DNMT3A: variants seen among roughly 807,000 people sequenced by gnomAD.
DNMT3A encodes DNA (cytosine-5)-methyltransferase 3A.
In DNMT3A, 267 loss-of-function variants were observed where a neutral mutation model predicts 117.6. That is an observed-to-expected ratio of 2.27 (90% CI 2.05 to 2.51). The LOEUF is 2.51. DNMT3A is among the 30% of genes most tolerant of loss of function. DNMT3A has a pLI of 0.00. For missense variants in DNMT3A, 1,029 were observed against 1,260.2 expected (o/e 0.82, Z 2.78); for synonymous variants, 432 against 474.8 (o/e 0.91, Z 1.17).
In DNMT3A at chr2:25,254,437, G is replaced by C. The variant is rs533889720; in HGVS notation, c.640-6185C>G. ...GGTACAGACTCCCCCCCAACCCTGA[G>C]ACCCAGAATCCATACAGCTAGGAAA... On this transcript the variant is annotated intron_variant, in intron 6 of 22. Transcript: ENST00000321117. The surrounding 1 kb of genome is among the most constrained non-coding windows in gnomAD (Gnocchi z 4.7). 6.6e-6 allele frequency among the ~76,000 whole-genome samples: 1 copy of C among 152,046 alleles called. No homozygotes were observed. The highest frequency in any genetic ancestry group is 1.5e-5 in the Non-Finnish European group (1 of 68,006).
In DNMT3A at chr2:25,294,841, A is replaced by T. The variant is rs2032995547; in HGVS notation, c.177+5298T>A. 6.6e-6 allele frequency among the ~76,000 whole-genome samples: 1 copy of T among 152,216 alleles called. No individual in the cohort carries two copies. Reference sequence around the variant, plus strand: ...GTGTTGGAGGGTCAGCCCTAACACCAGCTTGGGCTCAGCTGAGCTCAGCAC... The same window carrying T: ...GTGTTGGAGGGTCAGCCCTAACACCTGCTTGGGCTCAGCTGAGCTCAGCAC... On this transcript the variant is annotated intron_variant, in intron 3 of 22. Coordinates refer to ENST00000321117, the MANE Select transcript of DNMT3A (RefSeq NM_022552.5). This position sits in a 1 kb window ranked among gnomAD's most constrained non-coding sequence, Gnocchi z 4.7.
rs1370393405 is a variant in DNMT3A at position 25,327,379 on chromosome 2, A to T, written c.-177-13218T>A. ...AATTCAACATCCTGGCCAGCTAATC[A>T]CTCCCTGCTTCAAGCACTCACTCAA... On this transcript the variant is annotated intron_variant, in intron 1 of 22. Transcript: ENST00000321117. The surrounding 1 kb of genome is among the most constrained non-coding windows in gnomAD (Gnocchi z 4.1). 1.3e-5 allele frequency among the ~76,000 whole-genome samples: 2 copies of T among 150,146 alleles called. No homozygotes were observed. Among genetic ancestry groups the T allele is most frequent in the Non-Finnish European group, 3.0e-5 (2 of 67,558 alleles).
At chr2:25,264,231 C>G (rs1264455735) in intron 6 of DNMT3A, among the ~76,000 whole-genome samples, 1 of 146,972 alleles carries the variant, frequency 6.8e-6, no homozygotes, top group Non-Finnish European at 1.5e-5. Context: ...CCTCCACCAC[C>G]CTGGCTCAAA....
intron 1 of DNMT3A, among the ~76,000 whole-genome samples, chr2:25,322,560 C>G (rs1166977655): frequency 6.6e-6 from 1 of 151,974 alleles, no homozygotes; most frequent in Non-Finnish European, 1.5e-5. Context: ...CCCCAACCCC[C>G]GCTCACTCAG....
chr2:25,336,247 G>C (rs2035211655), intron 1 of DNMT3A, among the ~76,000 whole-genome samples: 1 of 152,210 alleles, frequency 6.6e-6, no homozygotes, highest in Non-Finnish European at 1.5e-5. Context: ...GTGTGTTGGG[G>C]GACAGGGTCA....
chr2:25,253,005 G>C (rs1675780178), intron 6 of DNMT3A, among the ~76,000 whole-genome samples: 1 of 152,146 alleles, frequency 6.6e-6, no homozygotes, highest in Non-Finnish European at 1.5e-5. Context: ...CGTCACTCTG[G>C]GCCTTCCCTG....
chr2:25,293,256 C>A lies in DNMT3A; in HGVS notation c.177+6883G>T, dbSNP rs905827661. On this transcript the variant is annotated intron_variant, in intron 3 of 22. Transcript: ENST00000321117. This position sits in a 1 kb window ranked among gnomAD's most constrained non-coding sequence, Gnocchi z 4.7. The stretch of plus-strand genomic sequence containing the variant: ...AATTCTGCCCCGCCACTGCCACCCC[C>A]CACAGGCCCTGGGACTTTGCTGGCG... Among the ~76,000 whole-genome samples, 1 of 152,202 alleles carries A rather than the reference C, an allele frequency of 6.6e-6. No individual in the cohort carries two copies. Among genetic ancestry groups the A allele is most frequent in the South Asian group, 2.1e-4 (1 of 4,824 alleles).
Position 25,237,125 on chromosome 2 carries a change from C to T in DNMT3A, c.2409-120G>A. ...TAGTTCACAGGGTAAGAGCCCCTTC[C>T]CCAAATCACGCACACACGTCATAAC... On this transcript the variant is annotated intron_variant, in intron 20 of 22. Coordinates refer to ENST00000321117, the MANE Select transcript of DNMT3A (RefSeq NM_022552.5). This position sits in a 1 kb window ranked among gnomAD's most constrained non-coding sequence, Gnocchi z 5.4. The T allele has an allele frequency of 1.1e-6, 1 of 922,020 alleles. No homozygotes were observed. Among genetic ancestry groups the T allele is most frequent in the Non-Finnish European group, 1.7e-6 (1 of 603,104 alleles). 57.1% of individuals were successfully genotyped at this position (922,020 alleles called of 1,614,324 possible).
chr2:25,265,998 C>T (rs890390968), intron 6 of DNMT3A, among the ~76,000 whole-genome samples: 2 of 152,188 alleles, frequency 1.3e-5, no homozygotes, highest in Non-Finnish European at 2.9e-5. Context: ...TCACCTACCC[C>T]ACCCTGCCTC....
Position 25,281,017 on chromosome 2 carries a change from G to A in DNMT3A, c.448+1424C>T, listed in dbSNP as rs1389959555. 6.6e-6 allele frequency among the ~76,000 whole-genome samples: 1 copy of A among 152,152 alleles called. No homozygotes were observed. Among genetic ancestry groups the A allele is most frequent in the Non-Finnish European group, 1.5e-5 (1 of 68,022 alleles). On this transcript the variant is annotated intron_variant, in intron 4 of 22. Transcript: ENST00000321117. This position sits in a 1 kb window ranked among gnomAD's most constrained non-coding sequence, Gnocchi z 4.8. ...GAAGCACCACATTTGGAAGGGCAGGGCTGATGGGTTCTCTCACACACCTGG... is the reference window on the plus strand; with the variant it reads ...GAAGCACCACATTTGGAAGGGCAGGACTGATGGGTTCTCTCACACACCTGG...
intron 6 of DNMT3A, among the ~76,000 whole-genome samples, chr2:25,258,677 C>G (rs1422512101): frequency 1.3e-5 from 2 of 152,206 alleles, no homozygotes; most frequent in African/African-American, 4.8e-5. Context: ...GCCGAAGGAA[C>G]TCAGAGGCAG....
chr2:25,246,395 C>T lies in DNMT3A; in HGVS notation c.1280-86G>A, dbSNP rs908557754. 48 of 1,486,756 alleles carry T rather than the reference C, an allele frequency of 3.2e-5. 1 individual carries two copies. In the Admixed American group the frequency reaches 8.3e-4, roughly 26 times the overall value. The allele number at this position is 1,486,756 out of a possible 1,614,324, so 92.1% of individuals were successfully genotyped here. ...CCCCCACCCTCCTTACAGTGGGGTG[C>T]GGCCTGGTCTCCAACTTGTTCCCAC... On this transcript the variant is annotated intron_variant, in intron 10 of 22. Coordinates refer to ENST00000321117, the MANE Select transcript of DNMT3A (RefSeq NM_022552.5).
intron 6 of DNMT3A, among the ~76,000 whole-genome samples, chr2:25,258,154 TCA>T (rs1360352188): frequency 1.3e-5 from 2 of 152,340 alleles, no homozygotes; most frequent in Non-Finnish European, 2.9e-5. Flanking sequence ...AATCTGGTTC[TCA>T]GAGTAGCCCA....
Position 25,233,846 on chromosome 2 carries a change from T to C in DNMT3A, c.*433A>G. ...ATAGATTTCTATAGAATTTCCTTTT[T>C]TCCTCTCTCCCACCTTTCCTCTGCA... On this transcript the variant is annotated 3_prime_UTR_variant, in exon 23 of 23. Coordinates refer to ENST00000321117, the MANE Select transcript of DNMT3A (RefSeq NM_022552.5). 4.3e-6 allele frequency: 1 copy of C among 234,196 alleles called. No homozygotes were observed. Among genetic ancestry groups the C allele is most frequent in the Non-Finnish European group, 8.4e-6 (1 of 118,692 alleles). 14.5% of individuals were successfully genotyped at this position (234,196 alleles called of 1,614,324 possible). A position where few individuals can be genotyped will look rare whatever the true frequency, so the allele number is the denominator to read the frequency against.
chr2:25,320,096 G>A (rs1387676805), intron 1 of DNMT3A, among the ~76,000 whole-genome samples: 1 of 152,192 alleles, frequency 6.6e-6, no homozygotes, highest in Non-Finnish European at 1.5e-5. Flanking sequence ...ATGGACAGAT[G>A]TGTGTCCTGG....
At chr2:25,251,161 G>T (rs1465642784) in intron 6 of DNMT3A, among the ~76,000 whole-genome samples, 4 of 142,156 alleles carry the variant, frequency 2.8e-5, no homozygotes, top group African/African-American at 8.0e-5. Context: ...AGCGGGGGGG[G>T]GGGTGGGTGA....
At chr2:25,315,773 A>G (rs1207773756) in intron 1 of DNMT3A, among the ~76,000 whole-genome samples, 4 of 152,190 alleles carry the variant, frequency 2.6e-5, no homozygotes, top group Non-Finnish European at 5.9e-5. Flanking sequence ...AAGATCCCAA[A>G]AGAGAACTGG....
chr2:25,258,425 C>T (rs189520952), intron 6 of DNMT3A, among the ~76,000 whole-genome samples: 2 of 152,278 alleles, frequency 1.3e-5, no homozygotes, highest in Non-Finnish European at 2.9e-5. Flanking sequence ...ATCCTGGGAG[C>T]CTGCCTGAAG....
In DNMT3A at chr2:25,282,422, C is replaced by T. The variant is rs761905111; in HGVS notation, c.448+19G>A. On this transcript the variant is annotated intron_variant, in intron 4 of 22. Transcript: ENST00000321117. This position sits in a 1 kb window ranked among gnomAD's most constrained non-coding sequence, Gnocchi z 5.2. Reference sequence around the variant, plus strand: ...GCTGGTGGGCCCAGAAGAGGCTGCCCCTGGTGCTGAGGACTCACCCGCTTC... The same window carrying T: ...GCTGGTGGGCCCAGAAGAGGCTGCCTCTGGTGCTGAGGACTCACCCGCTTC... 24 of 1,609,570 alleles carry T rather than the reference C, an allele frequency of 1.5e-5. No homozygotes were observed. The highest frequency in any genetic ancestry group is 1.9e-5 in the Non-Finnish European group (22 of 1,178,558).
Sources: allele counts gnomAD v4.1 joint callset (sites outside exome capture counted in the v4.1 genomes callset), GRCh38; gene constraint gnomAD v4.1.1; non-coding constraint Gnocchi (gnomAD v3.1); transcripts MANE v1.5; gene names NCBI Gene and HGNC (gene_info 2026-07-23, HGNC 2026-07-21).